CLSTN1: variants seen among roughly 807,000 people sequenced by gnomAD.
The protein encoded by CLSTN1 is calsyntenin-1.
CLSTN1 carries 28 observed loss-of-function variants against 108.3 expected under a neutral mutation model. The observed-to-expected ratio is 0.26, with a 90% CI of 0.19 to 0.35. The LOEUF is 0.35. Ranked by LOEUF, CLSTN1 falls within the 10% of genes least tolerant of loss-of-function variation. The pLI is 1.00. For synonymous variants in CLSTN1, 524 were observed against 534.9 expected (o/e 0.98, Z 0.28); for missense variants, 1,157 against 1,302.6 (o/e 0.89, Z 1.72).
intron 7 of CLSTN1, among the ~76,000 whole-genome samples, chr1:9,746,188 T>G (rs1651260786): frequency 6.6e-6 from 1 of 152,178 alleles, no homozygotes; most frequent in African/African-American, 2.4e-5. Flanking sequence ...GCTTTATGTG[T>G]CTCCATGATT....
intron 1 of CLSTN1, among the ~76,000 whole-genome samples, chr1:9,793,199 G>C (rs1286181517): frequency 6.6e-6 from 1 of 151,298 alleles, no homozygotes; most frequent in Non-Finnish European, 1.5e-5. Context: ...TTTTAGTAGA[G>C]ACGGGGTTTC....
Position 9,741,355 on chromosome 1 carries a change from G to A in CLSTN1, c.1357-99C>T, listed in dbSNP as rs920100393. ...TCACCCAACACAAGGGTCTTCCTAGGAGGAAAAGGATGAAAAAAATCTAAC... is the reference window on the plus strand; with the variant it reads ...TCACCCAACACAAGGGTCTTCCTAGAAGGAAAAGGATGAAAAAAATCTAAC... On this transcript the variant is annotated intron_variant, in intron 9 of 18. Transcript: ENST00000377298. The A allele has an allele frequency of 4.2e-6, 5 of 1,188,300 alleles. No individual in the cohort carries two copies. In the East Asian group the frequency reaches 7.1e-5, roughly 17 times the overall value. 73.6% of individuals were successfully genotyped at this position (1,188,300 alleles called of 1,614,324 possible).
At chr1:9,780,601 T>C (rs916355311) in intron 1 of CLSTN1, among the ~76,000 whole-genome samples, 6 of 152,224 alleles carry the variant, frequency 3.9e-5, no homozygotes, top group Non-Finnish European at 7.3e-5. Context: ...ACTGAACTTT[T>C]AAATATTTAA....
In CLSTN1 at chr1:9,749,574, G is replaced by A. The variant is rs1651448887; in HGVS notation, c.872C>T (p.Thr291Ile). Reference sequence around the variant, plus strand: ...TACTGAGGCGACTGGCTCGTCACATGTCTCCAGGTGGATATTTGGAAAGAC... The same window carrying A: ...TACTGAGGCGACTGGCTCGTCACATATCTCCAGGTGGATATTTGGAAAGAC... ...LAVFPNIHLE[T>I]CDEPVASVQA... Residue 291 changes from threonine to isoleucine, a missense_variant, in exon 7 of 19, where the codon ACA (threonine) becomes ATA (isoleucine). Coordinates refer to ENST00000377298, the MANE Select transcript of CLSTN1 (RefSeq NM_001009566.3). 1 of 1,614,088 alleles carries A rather than the reference G, an allele frequency of 6.2e-7. No homozygotes were observed. Among genetic ancestry groups the A allele is most frequent in the African/African-American group, 1.3e-5 (1 of 74,940 alleles).
At position 9,767,447 on chromosome 1, in the gene CLSTN1, A is replaced by G. The variant is rs528525731; in HGVS notation, c.214+5825T>C. 4.6e-5 allele frequency among the ~76,000 whole-genome samples: 7 copies of G among 151,814 alleles called. 1 individual carries two copies. Among genetic ancestry groups the G allele is most frequent in the South Asian group, 4.2e-4 (2 of 4,770 alleles). ...GTAGTCCCAGCTACTCGGGAGGCTGAGGCAGGAGAATTGCTTGAACCCAGG... is the reference window on the plus strand; with the variant it reads ...GTAGTCCCAGCTACTCGGGAGGCTGGGGCAGGAGAATTGCTTGAACCCAGG... On this transcript the variant is annotated intron_variant, in intron 2 of 18. Transcript: ENST00000377298.
intron 2 of CLSTN1, among the ~76,000 whole-genome samples, chr1:9,769,935 C>A (rs1044424722): frequency 1.3e-5 from 2 of 151,038 alleles, no homozygotes; most frequent in African/African-American, 4.9e-5. Flanking sequence ...GAGGCTGAGG[C>A]AGGAGAATGG....
chr1:9,809,145 C>G (rs1654625640), intron 1 of CLSTN1, among the ~76,000 whole-genome samples: 1 of 152,190 alleles, frequency 6.6e-6, no homozygotes, highest in Non-Finnish European at 1.5e-5. Context: ...AGACTTACAC[C>G]TCTGGCCTTA....
intron 2 of CLSTN1, among the ~76,000 whole-genome samples, chr1:9,771,013 T>C (rs181646589): frequency 1.3e-5 from 2 of 151,560 alleles, no homozygotes; most frequent in Non-Finnish European, 2.9e-5. Flanking sequence ...CAAAACAAAA[T>C]AAAATAAAAT....
At chr1:9,738,913 A>G (rs1017428211) in intron 10 of CLSTN1, among the ~76,000 whole-genome samples, 2 of 152,168 alleles carry the variant, frequency 1.3e-5, no homozygotes, top group Non-Finnish European at 2.9e-5. Context: ...CCGCCTCCCA[A>G]AGTGCTGGGA....
At chr1:9,824,063 G>A (rs1265565631), upstream of CLSTN1, 2 of 146,946 alleles carry the variant, frequency 1.4e-5, no homozygotes, top group Admixed American at 6.7e-5. This position sits in a 1 kb window ranked among gnomAD's most constrained non-coding sequence, Gnocchi z 5.0. Flanking sequence ...AGGCGCGCGC[G>A]CGGCGGACCC....
At chr1:9,743,458 A>G (rs1286495562) in intron 9 of CLSTN1, among the ~76,000 whole-genome samples, 1 of 152,154 alleles carries the variant, frequency 6.6e-6, no homozygotes, top group Non-Finnish European at 1.5e-5. Flanking sequence ...AGTCCCAGCT[A>G]CTCATAAAAT....
intron 9 of CLSTN1, 118 bp from the exon 10 acceptor site, chr1:9,741,374 A>G: frequency 2.0e-6 from 2 of 986,408 alleles, no homozygotes; most frequent in Non-Finnish European, 3.0e-6. Flanking sequence ...GATGAAAAAA[A>G]TCTAACCACA....
rs138580897 is a variant in CLSTN1, at chr1:9,777,823, C to T, written c.92-4429G>A. On this transcript the variant is annotated intron_variant, in intron 1 of 18. Coordinates refer to ENST00000377298, the MANE Select transcript of CLSTN1 (RefSeq NM_001009566.3). The stretch of plus-strand genomic sequence containing the variant: ...AGTGCAGCCTAAGAGGATGAGAAAA[C>T]GGCAAATAATGTCTTAATATTGTTA... Among the ~76,000 whole-genome samples the T allele has an allele frequency of 4.2e-3, 636 of 152,212 alleles. 11 individuals are homozygous for T. In the East Asian group the frequency reaches 0.043, roughly 10 times the overall value.
At chr1:9,795,034 G>GA (rs1311538957) in intron 1 of CLSTN1, among the ~76,000 whole-genome samples, 2 of 145,888 alleles carry the variant, frequency 1.4e-5, no homozygotes, top group Middle Eastern at 7.0e-3. Context: ...AAAAAAAAAA[G>GA]AAAAAAAATC....
rs990838370 is a variant in CLSTN1 at position 9,772,166 on chromosome 1, T to A, written c.214+1106A>T. On this transcript the variant is annotated intron_variant, in intron 2 of 18. Transcript: ENST00000377298. ...TTTTTTTTTTTTTTTTTTTTTTTTT[T>A]AGTAGAGACGGGGTTTCACCGTGTT... Among the ~76,000 whole-genome samples, 325 of 69,676 alleles carry A rather than the reference T, an allele frequency of 4.7e-3. 6 individuals are homozygous for A. The East Asian group carries it at 0.056, about 12-fold the overall frequency. 45.7% of individuals were successfully genotyped at this position (69,676 alleles called of 152,430 possible).
intron 1 of CLSTN1, among the ~76,000 whole-genome samples, chr1:9,782,645 C>A (rs945314112): frequency 6.6e-6 from 1 of 152,094 alleles, no homozygotes; most frequent in African/African-American, 2.4e-5. Context: ...ATACAATAAT[C>A]AACTTTAGGA....
At chr1:9,780,978 G>A in intron 1 of CLSTN1, 1 of 466,472 alleles carries the variant, frequency 2.1e-6, no homozygotes, top group South Asian at 3.0e-5. Context: ...ATTTTCCACT[G>A]TGGTGTCATG....
chr1:9,752,027 G>T (rs766027404), intron 4 of CLSTN1, among the ~76,000 whole-genome samples: 1 of 151,992 alleles, frequency 6.6e-6, no homozygotes, highest in East Asian at 1.9e-4. Context: ...AATACCAGAC[G>T]TCTGTTTGCT....
chr1:9,796,969 C>T (rs1654037317), intron 1 of CLSTN1, among the ~76,000 whole-genome samples: 2 of 152,104 alleles, frequency 1.3e-5, no homozygotes, highest in African/African-American at 4.8e-5. Flanking sequence ...AATGCAGAGA[C>T]TCACACTAGA....
Sources: gnomAD v4.1 joint callset for allele counts (sites outside exome capture counted in the v4.1 genomes callset) on GRCh38, gnomAD v4.1.1 for gene constraint, Gnocchi (gnomAD v3.1) non-coding constraint, MANE v1.5 for transcripts, NCBI Gene and HGNC (gene_info 2026-07-23, HGNC 2026-07-21) for gene names.